ANKS1B: variants seen among roughly 807,000 people sequenced by gnomAD.
ANKS1B encodes the protein ankyrin repeat and sterile alpha motif domain containing 1B, also known as ankyrin repeat and sterile alpha motif domain-containing protein 1B.
In ANKS1B, 36 loss-of-function variants were observed where a neutral mutation model predicts 148.3. The observed-to-expected ratio is 0.24, with a 90% CI of 0.19 to 0.32. ANKS1B has a LOEUF of 0.32. Ranked by LOEUF, ANKS1B falls within the 10% of genes least tolerant of loss-of-function variation. The pLI is 1.00. For synonymous variants in ANKS1B, 542 were observed against 560.8 expected (o/e 0.97, Z 0.47); for missense variants, 1,157 against 1,542.6 (o/e 0.75, Z 4.19).
chr12:98,737,362 CTA>C (rs1180111491), intron 9 of ANKS1B, among the ~76,000 whole-genome samples: 1 of 152,210 alleles, frequency 6.6e-6, no homozygotes, highest in African/African-American at 2.4e-5. Context: ...CGCTAACTCC[CTA>C]TGTTTCACAA....
At chr12:99,798,002 TGTTTTAAAGTC>T (rs1385245069) in intron 4 of ANKS1B, among the ~76,000 whole-genome samples, 1 of 151,914 alleles carries the variant, frequency 6.6e-6, no homozygotes, top group East Asian at 1.9e-4. Flanking sequence ...AATTTCTAGA[TGTTTTAAAGTC>T]GTTTTTAGGT....
intron 8 of ANKS1B, among the ~76,000 whole-genome samples, chr12:99,671,002 A>C (rs1339134415): frequency 6.6e-6 from 1 of 152,154 alleles, no homozygotes; most frequent in East Asian, 1.9e-4. Context: ...TACTGAGATC[A>C]AAAAATAGAA....
chr12:99,870,379 T>C (rs2091354760), intron 1 of ANKS1B, among the ~76,000 whole-genome samples: 1 of 152,244 alleles, frequency 6.6e-6, no homozygotes, highest in Non-Finnish European at 1.5e-5. Flanking sequence ...TTTACTATTG[T>C]GAATACTACT....
At chr12:98,937,498 T>A (rs886455899) in intron 17 of ANKS1B, among the ~76,000 whole-genome samples, 1 of 152,126 alleles carries the variant, frequency 6.6e-6, no homozygotes. Flanking sequence ...TCTTTGCTTA[T>A]ACTACTCTTT....
intron 11 of ANKS1B, among the ~76,000 whole-genome samples, chr12:99,418,852 A>C (rs1511969): frequency 0.26 from 39,475 of 152,090 alleles, 5,311 homozygotes; most frequent in East Asian, 0.44. Flanking sequence ...GGTCTTAAAA[A>C]ACAAAACAAC....
intron 1 of ANKS1B, among the ~76,000 whole-genome samples, chr12:99,879,773 T>C (rs1306259835): frequency 6.6e-6 from 1 of 152,238 alleles, no homozygotes; most frequent in African/African-American, 2.4e-5. Context: ...TTAAGTGATT[T>C]CTAGTAAAGA....
intron 17 of ANKS1B, among the ~76,000 whole-genome samples, chr12:99,019,611 T>C (rs928692269): frequency 6.6e-6 from 1 of 152,190 alleles, no homozygotes; most frequent in African/African-American, 2.4e-5. Context: ...CAACATCAAG[T>C]CATTCTCAAC....
chr12:99,184,408 GC>G (rs1239309630), intron 14 of ANKS1B, among the ~76,000 whole-genome samples: 2 of 152,146 alleles, frequency 1.3e-5, no homozygotes, highest in African/African-American at 4.8e-5. Flanking sequence ...TTGGGTTCAA[GC>G]ATAGAACATG....
intron 9 of ANKS1B, among the ~76,000 whole-genome samples, chr12:99,533,241 A>G (rs2097021435): frequency 1.3e-5 from 2 of 152,166 alleles, no homozygotes. Context: ...GAGACCTTTC[A>G]CATCCTTGGT....
intron 9 of ANKS1B, among the ~76,000 whole-genome samples, chr12:99,596,327 G>A (rs1195355522): frequency 2.6e-5 from 4 of 151,652 alleles, no homozygotes; most frequent in African/African-American, 7.3e-5. Flanking sequence ...GCTTGAAGGT[G>A]CATTACCCCA....
Position 99,632,760 on chromosome 12 carries a change from TATA to T in ANKS1B, c.1272+22304_1272+22306del, listed in dbSNP as rs1567522973. ...ATATATATATATATATATATATATA[TATA>T]TATATTTTAATTATACTTTAAGTTC... On this transcript the variant is annotated intron_variant, in intron 9 of 26. Transcript: ENST00000683438. Among the ~76,000 whole-genome samples, 71 of 86,024 alleles carry T rather than the reference TATA, an allele frequency of 8.3e-4. 1 individual carries two copies. Among genetic ancestry groups the T allele is most frequent in the African/African-American group, 3.1e-3 (69 of 22,598 alleles). The allele number at this position is 86,024 out of a possible 152,430, so 56.4% of individuals were successfully genotyped here.
At chr12:99,499,149 T>C (rs2096632085) in intron 10 of ANKS1B, among the ~76,000 whole-genome samples, 1 of 152,222 alleles carries the variant, frequency 6.6e-6, no homozygotes, top group Non-Finnish European at 1.5e-5. Flanking sequence ...GGATAAGGTC[T>C]CATATAAAAT....
At chr12:99,246,946 G>A in intron 12 of ANKS1B, 82 bp from the exon 13 acceptor site, 1 of 1,081,280 alleles carries the variant, frequency 9.2e-7, no homozygotes, top group Non-Finnish European at 1.3e-6. Flanking sequence ...ATGAACATGT[G>A]GGCTATCCAA....
intron 14 of ANKS1B, among the ~76,000 whole-genome samples, chr12:99,164,272 G>T (rs946625491): frequency 5.3e-5 from 8 of 151,954 alleles, no homozygotes; most frequent in African/African-American, 1.9e-4. Context: ...CTCATAAATA[G>T]CCCAGAGCTG....
intron 17 of ANKS1B, among the ~76,000 whole-genome samples, chr12:98,949,006 G>A (rs1330204217): frequency 7.5e-6 from 1 of 133,352 alleles, no homozygotes; most frequent in Admixed American, 8.3e-5. Context: ...AGGCTGGAGT[G>A]CAGTGGCGTG....
At chr12:98,941,647 C>CA (rs948250399) in intron 17 of ANKS1B, among the ~76,000 whole-genome samples, 26 of 151,996 alleles carry the variant, frequency 1.7e-4, no homozygotes, top group Non-Finnish European at 2.6e-4. Flanking sequence ...GTCCTTAAAA[C>CA]AAAAAAAATC....
chr12:99,872,598 C>G (rs1228448724), intron 1 of ANKS1B, among the ~76,000 whole-genome samples: 3 of 152,014 alleles, frequency 2.0e-5, no homozygotes, highest in Non-Finnish European at 2.9e-5. Flanking sequence ...ATCTATACAG[C>G]CTTAGTAAAT....
rs191719116 is a variant in ANKS1B, at chr12:99,157,827, T to C, written c.2420-3432A>G. On this transcript the variant is annotated intron_variant, in intron 14 of 26. Transcript: ENST00000683438. ...CAATAAAAATAAATAAAATTATATA[T>C]TACAAAAGACAGTATATTTGTGGTG... Among the ~76,000 whole-genome samples the C allele has an allele frequency of 1.4e-4, 22 of 152,274 alleles. No homozygotes were observed. In the East Asian group the frequency reaches 4.2e-3, roughly 29 times the overall value.
chr12:99,947,566 TCTATATCAGTG>T (rs6144834), intron 1 of ANKS1B, among the ~76,000 whole-genome samples: 3,097 of 152,282 alleles, frequency 0.02, 90 homozygotes, highest in African/African-American at 0.069. Flanking sequence ...TATATAGGTT[TCTATATCAGTG>T]CTATATCAGT....
Sources: gnomAD v4.1 joint callset for allele counts (sites outside exome capture counted in the v4.1 genomes callset) on GRCh38, gnomAD v4.1.1 for gene constraint, MANE v1.5 for transcripts, NCBI Gene and HGNC (gene_info 2026-07-23, HGNC 2026-07-21) for gene names.